The following ASIC2 variants were observed in gnomAD, a reference collection of about 807,000 sequenced individuals.
ASIC2 encodes the protein acid sensing ion channel subunit 2, also known as acid-sensing ion channel 2.
ASIC2 carries 25 observed loss-of-function variants against 57.3 expected under a neutral mutation model. The ratio of observed to expected loss-of-function variants is 0.44; its 90% confidence interval spans 0.32 to 0.61. The LOEUF is 0.61. Ranked by LOEUF, ASIC2 falls within the 20% of genes least tolerant of loss-of-function variation. ASIC2 has a pLI of 0.06. For synonymous variants in ASIC2, 319 were observed against 307.5 expected (o/e 1.04, Z -0.39); for missense variants, 641 against 738.1 (o/e 0.87, Z 1.52).
At chr17:33,453,523 T>A (rs550053052) in intron 1 of ASIC2, among the ~76,000 whole-genome samples, 1 of 152,304 alleles carries the variant, frequency 6.6e-6, no homozygotes, top group Non-Finnish European at 1.5e-5. Context: ...AGTGTGTACC[T>A]GCAAGAACAC....
chr17:34,083,731 A>G (rs1050366308), intron 1 of ASIC2, among the ~76,000 whole-genome samples: 7 of 152,162 alleles, frequency 4.6e-5, no homozygotes, highest in African/African-American at 1.7e-4. Flanking sequence ...GTGTAAGATG[A>G]TATCCCATTG....
chr17:33,091,917 T>C (rs2141968254), intron 2 of ASIC2, among the ~76,000 whole-genome samples: 1 of 152,352 alleles, frequency 6.6e-6, no homozygotes, highest in South Asian at 2.1e-4. Flanking sequence ...GAATTTTTCA[T>C]TTTATTTAAT....
chr17:33,096,264 C>T (rs2092179074), intron 2 of ASIC2, among the ~76,000 whole-genome samples: 1 of 152,210 alleles, frequency 6.6e-6, no homozygotes, highest in South Asian at 2.1e-4. Context: ...AGACCCAGAG[C>T]TGGAGCCTCA....
intron 1 of ASIC2, among the ~76,000 whole-genome samples, chr17:33,724,457 C>T (rs1909483982): frequency 6.6e-6 from 1 of 152,086 alleles, no homozygotes; most frequent in Admixed American, 6.5e-5. Flanking sequence ...TTGGTGAGAT[C>T]CAAGTAGATC....
At chr17:33,840,968 C>T (rs897267608) in intron 1 of ASIC2, among the ~76,000 whole-genome samples, 2 of 151,960 alleles carry the variant, frequency 1.3e-5, no homozygotes, top group Non-Finnish European at 2.9e-5. Context: ...TTAAAGGTTC[C>T]AGAGAGTATA....
At chr17:33,833,124 T>C (rs1312955838) in intron 1 of ASIC2, among the ~76,000 whole-genome samples, 1 of 152,202 alleles carries the variant, frequency 6.6e-6, no homozygotes, top group Non-Finnish European at 1.5e-5. Context: ...AACGGGAGGC[T>C]GCATTGGAAA....
At chr17:33,097,246 A>G (rs1360720643) in intron 2 of ASIC2, among the ~76,000 whole-genome samples, 1 of 152,222 alleles carries the variant, frequency 6.6e-6, no homozygotes, top group Non-Finnish European at 1.5e-5. Context: ...GGTCATGGCG[A>G]AAGACAATCT....
intron 1 of ASIC2, among the ~76,000 whole-genome samples, chr17:33,333,829 C>T (rs1417215849): frequency 6.6e-6 from 1 of 152,166 alleles, no homozygotes; most frequent in African/African-American, 2.4e-5. Flanking sequence ...GCTCCTGTCC[C>T]GCCAGGGACA....
intron 1 of ASIC2, among the ~76,000 whole-genome samples, chr17:33,561,719 G>T (rs1372741025): frequency 1.3e-5 from 2 of 148,264 alleles, no homozygotes; most frequent in Non-Finnish European, 2.9e-5. Flanking sequence ...AAGAAGAGCA[G>T]GCAGGAGCCT....
At chr17:33,415,363 C>T (rs1363767249) in intron 1 of ASIC2, among the ~76,000 whole-genome samples, 3 of 152,108 alleles carry the variant, frequency 2.0e-5, no homozygotes, top group African/African-American at 4.8e-5. Flanking sequence ...ATAACTAATA[C>T]AATGGAAATG....
chr17:34,125,978 C>T (rs1415226787), intron 1 of ASIC2, among the ~76,000 whole-genome samples: 1 of 152,238 alleles, frequency 6.6e-6, no homozygotes, highest in Non-Finnish European at 1.5e-5. Context: ...CCACATGTCA[C>T]AGCCTCCACT....
At chr17:34,099,455 AAAG>A (rs1401784110) in intron 1 of ASIC2, among the ~76,000 whole-genome samples, 6 of 43,014 alleles carry the variant, frequency 1.4e-4, no homozygotes, top group Admixed American at 6.1e-4. Context: ...GAAAGAAAGA[AAAG>A]AAAGAAAGAG....
chr17:33,639,684 A>T (rs559941565), intron 1 of ASIC2, among the ~76,000 whole-genome samples: 37 of 148,822 alleles, frequency 2.5e-4, no homozygotes, highest in African/African-American at 9.2e-4. Flanking sequence ...TCAGGAAGTG[A>T]CTCTTCTCAC....
chr17:33,648,731 C>G (rs986928564), intron 1 of ASIC2, among the ~76,000 whole-genome samples: 27 of 152,192 alleles, frequency 1.8e-4, no homozygotes, highest in African/African-American at 6.3e-4. Flanking sequence ...TGCACTTGAG[C>G]TTATTGTTGA....
chr17:34,155,945 C>G, intron 1 of ASIC2: 1 of 1,571,716 alleles, frequency 6.4e-7, no homozygotes, highest in South Asian at 1.2e-5. Flanking sequence ...CTCCAGAGGA[C>G]CAGACAGAGT....
At chr17:33,521,603 G>T (rs1433514498) in intron 1 of ASIC2, among the ~76,000 whole-genome samples, 1 of 152,196 alleles carries the variant, frequency 6.6e-6, no homozygotes, top group Non-Finnish European at 1.5e-5. Context: ...GGCAGAGATG[G>T]GCAAGGAAGA....
intron 1 of ASIC2, among the ~76,000 whole-genome samples, chr17:34,129,483 G>A (rs555501077): frequency 1.1e-4 from 16 of 152,274 alleles, no homozygotes; most frequent in Admixed American, 1.0e-3. Context: ...CACAGGGTAG[G>A]AACCTCTTCC....
intron 1 of ASIC2, among the ~76,000 whole-genome samples, chr17:33,824,207 C>A (rs1912837797): frequency 6.6e-6 from 1 of 152,106 alleles, no homozygotes; most frequent in Non-Finnish European, 1.5e-5. Flanking sequence ...ACTCCGAATG[C>A]CCAGGCGGGC....
chr17:33,016,367 C>G (rs1053344842), intron 8 of ASIC2, among the ~76,000 whole-genome samples: 8 of 152,170 alleles, frequency 5.3e-5, no homozygotes, highest in Admixed American at 5.2e-4. Context: ...TCCTCAGGAG[C>G]AGCCTTGGGA....
Sources: gnomAD v4.1 joint callset for allele counts (sites outside exome capture counted in the v4.1 genomes callset) on GRCh38, gnomAD v4.1.1 for gene constraint, MANE v1.5 for transcripts, NCBI Gene and HGNC (gene_info 2026-07-23, HGNC 2026-07-21) for gene names.